FAM135A: variants seen among roughly 807,000 people sequenced by gnomAD.
The protein encoded by FAM135A is protein FAM135A.
A neutral mutation model predicts 146.8 loss-of-function variants in FAM135A; 79 were observed. The ratio of observed to expected loss-of-function variants is 0.54; its 90% CI spans 0.45 to 0.65. FAM135A has a LOEUF of 0.65. Among genes scored for constraint, FAM135A ranks in the 30% least tolerant of loss-of-function variants. FAM135A has a pLI of 0.00. For missense variants in FAM135A, 1,623 were observed against 1,758.2 expected (o/e 0.92, Z 1.38); for synonymous variants, 562 against 603.6 (o/e 0.93, Z 1.01).
At chr6:70,516,365 G>T (rs1416168441) in intron 12 of FAM135A, among the ~76,000 whole-genome samples, 2 of 152,010 alleles carry the variant, frequency 1.3e-5, no homozygotes, top group Non-Finnish European at 2.9e-5. Flanking sequence ...TCTGCCTGTA[G>T]AAGGAGCATG....
At chr6:70,439,914 G>A (rs1774076212) in intron 4 of FAM135A, among the ~76,000 whole-genome samples, 1 of 152,104 alleles carries the variant, frequency 6.6e-6, no homozygotes, top group Non-Finnish European at 1.5e-5. Flanking sequence ...TTTTCAGTAT[G>A]TATCTCCAAC....
chr6:70,557,085 C>A, intron 21 of FAM135A: 1 of 570,632 alleles, frequency 1.8e-6, no homozygotes, highest in Non-Finnish European at 3.1e-6. Flanking sequence ...AATGCCTCTC[C>A]ATTTTGCTGC....
intron 12 of FAM135A, among the ~76,000 whole-genome samples, chr6:70,509,374 G>A (rs528731958): frequency 6.6e-6 from 1 of 152,226 alleles, no homozygotes; most frequent in African/African-American, 2.4e-5. Context: ...CCTTGTAGTT[G>A]CCTGTTTATG....
intron 11 of FAM135A, among the ~76,000 whole-genome samples, chr6:70,493,921 C>G (rs534427006): frequency 6.6e-6 from 1 of 151,728 alleles, no homozygotes; most frequent in South Asian, 2.1e-4. Flanking sequence ...GGCATGGTGG[C>G]GGGCACCTGC....
chr6:70,480,911 C>G lies in FAM135A; in HGVS notation c.553C>G (p.Pro185Ala), dbSNP rs1226622235. 2 of 1,609,806 alleles carry G rather than the reference C, an allele frequency of 1.2e-6. No individual in the cohort carries two copies. The highest frequency in any genetic ancestry group is 4.5e-5 in the East Asian group (2 of 44,688). The change falls in exon 9 of 22, where the codon CCT (proline) becomes GCT (alanine). Residue 185 changes from proline (P) to alanine (A), a missense_variant. Physicochemically the swap from Pro to Ala is conservative, Grantham distance 27. Around this residue, in one of 7 missense-constraint regions of FAM135A, gnomAD observed 206 missense variants for 194.7 expected, o/e 1.06. Coordinates refer to ENST00000418814, the MANE Select transcript of FAM135A (RefSeq NM_001162529.3). ...LHQPLISFPR[P>A]VKTTWLNRNA... is the part of the protein sequence containing the mutation. ...TACTTCTTCCTCCAGCTTTCCTCGC[C>G]CTGTGAAGACAACTTGGTTAAATAG...
At chr6:70,455,997 G>C (rs990084958) in intron 5 of FAM135A, among the ~76,000 whole-genome samples, 1 of 152,040 alleles carries the variant, frequency 6.6e-6, no homozygotes, top group Non-Finnish European at 1.5e-5. Context: ...GACTACAGGC[G>C]TGCATCACCA....
intron 5 of FAM135A, among the ~76,000 whole-genome samples, chr6:70,469,203 A>G (rs1781094803): frequency 6.6e-6 from 1 of 152,206 alleles, no homozygotes; most frequent in African/African-American, 2.4e-5. Flanking sequence ...TGTGTATCCC[A>G]AACACCTAGA....
At position 70,525,657 on chromosome 6, in the gene FAM135A, C is replaced by T; in HGVS notation, c.2573C>T (p.Ser858Phe). The change falls in exon 15 of 22, where the codon TCT becomes TTT. Residue 858 changes from serine to phenylalanine, a missense_variant. Transcript: ENST00000418814. Reference protein sequence around the residue: ...ELSPDENSKKSVVPECHLNDS... With the variant: ...ELSPDENSKKFVVPECHLNDS... ...TCACCTGATGAAAATTCTAAGAAAT[C>T]TGTTGTACCTGAATGCCATCTAAAT... is the stretch of plus-strand genomic sequence containing the variant. 1.2e-6 allele frequency: 2 copies of T among 1,612,434 alleles called. No individual in the cohort carries two copies. Among genetic ancestry groups the T allele is most frequent in the Non-Finnish European group, 1.7e-6 (2 of 1,179,380 alleles).
intron 7 of FAM135A, among the ~76,000 whole-genome samples, chr6:70,476,178 T>C (rs1782604481): frequency 6.6e-6 from 1 of 152,280 alleles, no homozygotes; most frequent in Middle Eastern, 3.4e-3. Flanking sequence ...CCAGAGCCCT[T>C]GAGGAAGTTT....
chr6:70,557,027 C>T, intron 21 of FAM135A, 164 bp downstream of exon 21: 1 of 615,690 alleles, frequency 1.6e-6, no homozygotes, highest in Non-Finnish European at 2.9e-6. Context: ...TTCTCACCTG[C>T]CACGTGAACT....
In FAM135A at chr6:70,525,052, A is replaced by G. The variant is rs776860895; in HGVS notation, c.1968A>G (p.Thr656=). The G allele has an allele frequency of 6.3e-7, 1 of 1,591,202 alleles. No individual in the cohort carries two copies. Among genetic ancestry groups the G allele is most frequent in the Non-Finnish European group, 8.5e-7 (1 of 1,172,256 alleles). ...CAACCCCATCTTTGGGAGTTAGAAC[A>G]ATTGAAATAAAGCCCAGTAATAAAG... ...HQTTPSLGVR[T]IEIKPSNKDP... The change falls in exon 15 of 22, where the codon ACA becomes ACG. Residue 656 remains threonine, a synonymous_variant. Coordinates refer to ENST00000418814, the MANE Select transcript of FAM135A (RefSeq NM_001162529.3).
intron 10 of FAM135A, among the ~76,000 whole-genome samples, chr6:70,482,676 C>G (rs1198949200): frequency 6.6e-6 from 1 of 151,990 alleles, no homozygotes; most frequent in Non-Finnish European, 1.5e-5. Context: ...AATCAAACTT[C>G]AGGTTTCATT....
At chr6:70,486,291 G>C in intron 10 of FAM135A, 1 of 1,564,874 alleles carries the variant, frequency 6.4e-7, no homozygotes, top group South Asian at 1.1e-5. Context: ...TAATTAAAAA[G>C]TATGAAATTT....
chr6:70,524,158 T>C, intron 14 of FAM135A, 37 bp downstream of exon 14: 1 of 1,564,174 alleles, frequency 6.4e-7, no homozygotes, highest in East Asian at 2.3e-5. Context: ...AAGCTATGTG[T>C]ATAGTTTTCA....
rs145751524 is a variant in FAM135A, at chr6:70,535,194, G to A, written c.3966-1066G>A. 8.5e-5 allele frequency among the ~76,000 whole-genome samples: 13 copies of A among 152,222 alleles called. No individual in the cohort carries two copies. In the East Asian group the frequency reaches 1.7e-3, roughly 20 times the overall value. On this transcript the variant is annotated intron_variant, in intron 18 of 21. Coordinates refer to ENST00000418814, the MANE Select transcript of FAM135A (RefSeq NM_001162529.3). The stretch of plus-strand genomic sequence containing the variant: ...CCCACTACTTTAGGAAGTTCAGTTC[G>A]GGAGGGAAGTTTGTCCTGAGCGTCT...
intron 16 of FAM135A, among the ~76,000 whole-genome samples, chr6:70,532,298 A>G (rs889694102): frequency 1.5e-4 from 23 of 152,188 alleles, no homozygotes; most frequent in Admixed American, 1.2e-3. Context: ...AGTTTTTTTT[A>G]TGATGCATTT....
intron 21 of FAM135A, 43 bp downstream of exon 21, chr6:70,556,906 A>T (rs1304768409): frequency 6.5e-7 from 1 of 1,528,262 alleles, no homozygotes; most frequent in Admixed American, 1.7e-5. Context: ...GGTATTAATG[A>T]GCTCTTTCCA....
At chr6:70,502,536 C>A in intron 11 of FAM135A, 100 bp from the exon 12 acceptor site, 1 of 1,227,252 alleles carries the variant, frequency 8.1e-7, no homozygotes, top group Non-Finnish European at 1.1e-6. Context: ...TTTTTTAAAC[C>A]ACAAATTTGC....
Position 70,452,506 on chromosome 6 carries a change from G to A in FAM135A, c.92G>A (p.Arg31His), listed in dbSNP as rs147103878. ...DLFQRGFYQI[R>H]ASMKIPSRIP... ...TTTTGCTTTAGTTTTTACCAGATTC[G>A]TGCTTCTATGAAAATTCCATCAAGA... The change falls in exon 5 of 22, where the codon CGT becomes CAT. Residue 31 changes from arginine (R) to histidine (H), a missense_variant. Around this residue, in one of 7 missense-constraint regions of FAM135A, gnomAD observed 171 missense variants for 164.9 expected, o/e 1.04. Coordinates refer to ENST00000418814, the MANE Select transcript of FAM135A (RefSeq NM_001162529.3). The A allele has an allele frequency of 1.8e-3, 2,906 of 1,594,964 alleles. 93 individuals are homozygous for A. The East Asian group carries it at 0.061, about 34-fold the overall frequency.
Sources: allele counts gnomAD v4.1 joint callset (sites outside exome capture counted in the v4.1 genomes callset), GRCh38; gene constraint gnomAD v4.1.1; regional missense constraint gnomAD v4.1.1; transcripts MANE v1.5; gene names NCBI Gene and HGNC (gene_info 2026-07-23, HGNC 2026-07-21).